The following EMCN variants were observed in gnomAD, a reference collection of about 807,000 sequenced individuals.
EMCN encodes the protein endomucin, also known as MUC-14.
In EMCN, 37 loss-of-function variants were observed where a neutral mutation model predicts 38.4. The ratio of observed to expected loss-of-function variants is 0.96; its 90% CI spans 0.74 to 1.27. The LOEUF is 1.27. Among genes scored for constraint, EMCN ranks in the 50% most tolerant of loss-of-function variants. The pLI, the probability that EMCN is intolerant of heterozygous loss-of-function variation, is 0.00. For synonymous variants in EMCN, 95 were observed against 100.8 expected (o/e 0.94, Z 0.35); for missense variants, 318 against 302.8 (o/e 1.05, Z -0.37).
Position 100,405,371 on chromosome 4 carries a change from T to C in EMCN, c.*39+4911A>G, listed in dbSNP as rs77109910. 5.0e-3 allele frequency among the ~76,000 whole-genome samples: 764 copies of C among 152,204 alleles called. 12 individuals carry two copies. Among genetic ancestry groups the C allele is most frequent in the African/African-American group, 0.017 (723 of 41,550 alleles). Reference sequence around the variant, plus strand: ...TGGGTTTGTCATAGATGGATCTTATTATTTTGAGGTATATTTCTTCAATGC... The same window carrying C: ...TGGGTTTGTCATAGATGGATCTTATCATTTTGAGGTATATTTCTTCAATGC... On this transcript the variant is annotated intron_variant, in intron 11 of 11. Transcript: ENST00000296420.
chr4:100,507,906 T>C (rs1029106330), intron 1 of EMCN, among the ~76,000 whole-genome samples: 1 of 152,122 alleles, frequency 6.6e-6, no homozygotes, highest in Non-Finnish European at 1.5e-5. Context: ...GAGAAATAAC[T>C]CTCATGACAG....
At position 100,414,086 on chromosome 4, in the gene EMCN, G is replaced by A. The variant is rs115746644; in HGVS notation, c.751+1812C>T. Among the ~76,000 whole-genome samples, 556 of 152,250 alleles carry A rather than the reference G, an allele frequency of 3.7e-3. 7 individuals are homozygous for A. The highest frequency in any genetic ancestry group is 0.013 in the African/African-American group (525 of 41,574). Reference sequence around the variant, plus strand: ...TGTCAGTTGTCCCATTTCTTTGGCAGAAATGGGTGGTAGAAAACTGATCCC... The same window carrying A: ...TGTCAGTTGTCCCATTTCTTTGGCAAAAATGGGTGGTAGAAAACTGATCCC... On this transcript the variant is annotated intron_variant, in intron 10 of 11. Transcript: ENST00000296420.
At chr4:100,444,896 C>G (rs1384642426) in intron 5 of EMCN, among the ~76,000 whole-genome samples, 1 of 152,078 alleles carries the variant, frequency 6.6e-6, no homozygotes, top group Non-Finnish European at 1.5e-5. Flanking sequence ...CTCAGCTGGG[C>G]TCAAACCCTA....
rs1341390521 is a variant in EMCN, at chr4:100,517,928, G to A, written c.-14C>T. Reference sequence around the variant, plus strand: ...AAGCAGTTCCATGGTGCCCGTAGATGGTGTCAATATCTTCTTTCTCCAGAA... The same window carrying A: ...AAGCAGTTCCATGGTGCCCGTAGATAGTGTCAATATCTTCTTTCTCCAGAA... On this transcript the variant is annotated 5_prime_UTR_variant, in exon 1 of 12. Coordinates refer to ENST00000296420, the MANE Select transcript of EMCN (RefSeq NM_016242.4). 2.5e-6 allele frequency: 4 copies of A among 1,612,054 alleles called. No individual in the cohort carries two copies. The highest frequency in any genetic ancestry group is 2.5e-6 in the Non-Finnish European group (3 of 1,178,510).
chr4:100,438,383 G>GT (rs902580079), intron 5 of EMCN, among the ~76,000 whole-genome samples: 3 of 151,834 alleles, frequency 2.0e-5, no homozygotes, highest in South Asian at 4.1e-4. Flanking sequence ...AAATGAAATT[G>GT]TTTTTTTCAG....
chr4:100,401,059 A>C (rs1418285012), intron 11 of EMCN, among the ~76,000 whole-genome samples: 1 of 152,094 alleles, frequency 6.6e-6, no homozygotes, highest in Non-Finnish European at 1.5e-5. Context: ...CTTTAACACT[A>C]CTGACAACAA....
At position 100,502,965 on chromosome 4, in the gene EMCN, G is replaced by T. The variant is rs879746828; in HGVS notation, c.64+14886C>A. Among the ~76,000 whole-genome samples, 78 of 151,866 alleles carry T rather than the reference G, an allele frequency of 5.1e-4. 1 individual carries two copies. Among genetic ancestry groups the T allele is most frequent in the African/African-American group, 1.2e-3 (51 of 41,444 alleles). ...AAGTATCATTTTAAACATTTTGCTG[G>T]CTTTTAAAAAATCTTTTTTCATAAT... On this transcript the variant is annotated intron_variant, in intron 1 of 11. Transcript: ENST00000296420.
intron 1 of EMCN, among the ~76,000 whole-genome samples, chr4:100,488,907 G>T (rs1349989444): frequency 2.0e-5 from 3 of 151,776 alleles, no homozygotes; most frequent in Non-Finnish European, 4.4e-5. Flanking sequence ...AATTTTTTTT[G>T]CCCTGAAAGG....
chr4:100,437,173 G>C (rs1171451882), intron 5 of EMCN, among the ~76,000 whole-genome samples: 1 of 152,190 alleles, frequency 6.6e-6, no homozygotes, highest in Non-Finnish European at 1.5e-5. Flanking sequence ...TTTCCCTGAT[G>C]ATTAATGATG....
chr4:100,472,137 C>T (rs965457658), intron 3 of EMCN, among the ~76,000 whole-genome samples: 1 of 151,708 alleles, frequency 6.6e-6, no homozygotes, highest in African/African-American at 2.4e-5. Flanking sequence ...GTCATCCACA[C>T]TGGAAAGAAG....
In EMCN at chr4:100,397,755, A is replaced by C. The variant is rs1232216246; in HGVS notation, c.*658T>G. On this transcript the variant is annotated 3_prime_UTR_variant, in exon 12 of 12. Transcript: ENST00000296420. ...ATTAGTGAGTTCATGTATTCTAATA[A>C]TCCATCCAAAAATATTCATAATTAT... 6.6e-6 allele frequency: 1 copy of C among 152,154 alleles called. No homozygotes were observed. The highest frequency in any genetic ancestry group is 6.6e-5 in the Admixed American group (1 of 15,262). The allele number at this position is 152,154 out of a possible 1,614,324, so 9.4% of individuals were successfully genotyped here. A position where few individuals can be genotyped will look rare whatever the true frequency, so the allele number is the denominator to read the frequency against.
intron 1 of EMCN, among the ~76,000 whole-genome samples, chr4:100,496,259 T>C (rs1729203834): frequency 6.6e-6 from 1 of 152,130 alleles, no homozygotes; most frequent in Non-Finnish European, 1.5e-5. Context: ...GTGATAAAGA[T>C]TGAAGTAAAA....
At chr4:100,420,244 C>A (rs1726850644) in intron 8 of EMCN, among the ~76,000 whole-genome samples, 1 of 151,976 alleles carries the variant, frequency 6.6e-6, no homozygotes, top group African/African-American at 2.4e-5. Context: ...AAATAAGTAA[C>A]TGTACTATGG....
chr4:100,409,551 G>A (rs1726491178), intron 11 of EMCN, among the ~76,000 whole-genome samples: 1 of 152,172 alleles, frequency 6.6e-6, no homozygotes, highest in Non-Finnish European at 1.5e-5. Flanking sequence ...ATTGTAGTAA[G>A]ATTGATCATT....
chr4:100,438,113 G>A (rs1434697771), intron 5 of EMCN, among the ~76,000 whole-genome samples: 4 of 151,304 alleles, frequency 2.6e-5, no homozygotes, highest in East Asian at 1.9e-4. Context: ...TCACTTTCTC[G>A]GTTAAATTTA....
rs565722923 is a variant in EMCN, at chr4:100,465,956, T to A, written c.260-417A>T. Among the ~76,000 whole-genome samples, 4 of 152,286 alleles carry A rather than the reference T, an allele frequency of 2.6e-5. No homozygotes were observed. The South Asian group carries it at 8.3e-4, about 32-fold the overall frequency. On this transcript the variant is annotated intron_variant, in intron 3 of 11. Coordinates refer to ENST00000296420, the MANE Select transcript of EMCN (RefSeq NM_016242.4). ...TGCCCTGGGAAAAGAAAGGTAAGGATGTGGTAGTAATTAAGTATGGCACTA... is the reference window on the plus strand; with the variant it reads ...TGCCCTGGGAAAAGAAAGGTAAGGAAGTGGTAGTAATTAAGTATGGCACTA...
At chr4:100,411,204 C>T (rs761092189) in intron 10 of EMCN, among the ~76,000 whole-genome samples, 1 of 152,098 alleles carries the variant, frequency 6.6e-6, no homozygotes, top group Non-Finnish European at 1.5e-5. Flanking sequence ...AGAACAAATT[C>T]AAGACTCCTC....
At chr4:100,434,757 A>C (rs1449347670) in intron 5 of EMCN, among the ~76,000 whole-genome samples, 1 of 152,252 alleles carries the variant, frequency 6.6e-6, no homozygotes, top group Non-Finnish European at 1.5e-5. Flanking sequence ...TCACGTAAAC[A>C]GAACTAAAGC....
intron 5 of EMCN, among the ~76,000 whole-genome samples, chr4:100,444,668 G>A (rs1727618407): frequency 1.3e-5 from 2 of 152,116 alleles, no homozygotes; most frequent in African/African-American, 4.8e-5. Context: ...TGGATGGTAT[G>A]CTATTATATG....
Sources: allele counts gnomAD v4.1 joint callset (sites outside exome capture counted in the v4.1 genomes callset), GRCh38; gene constraint gnomAD v4.1.1; transcripts MANE v1.5; gene names NCBI Gene and HGNC (gene_info 2026-07-23, HGNC 2026-07-21).